EYA2: variants seen among roughly 807,000 people sequenced by gnomAD.
EYA2 encodes EYA transcriptional coactivator and phosphatase 2, also known as protein phosphatase EYA2.
In EYA2, 31 loss-of-function variants were observed where a neutral mutation model predicts 69.2. The observed-to-expected ratio is 0.45, with a 90% CI of 0.34 to 0.60. The LOEUF (loss-of-function observed/expected upper bound fraction) is 0.60, where lower values mean the gene tolerates loss of function less well. Among genes scored for constraint, EYA2 ranks in the 20% least tolerant of loss-of-function variants. The probability of loss-of-function intolerance (pLI) is 0.02; values close to 1 mark genes in which losing one functional copy is unlikely to be tolerated. For synonymous variants in EYA2, 257 were observed against 279.4 expected, an observed-to-expected ratio of 0.92 and a Z score of 0.80; for missense variants, 622 against 701.2, an observed-to-expected ratio of 0.89 and a Z score of 1.28.
intron 1 of EYA2, among the ~76,000 whole-genome samples, chr20:46,987,999 G>GATATATATATATATAT (rs1568707249): frequency 1.3e-4 from 5 of 37,104 alleles, no homozygotes; most frequent in African/African-American, 3.6e-4. Flanking sequence ...TATATATATG[G>GATATATATATATATAT]GGCAAAAAAA....
At chr20:47,177,110 G>GTATT (rs553967101) in intron 12 of EYA2, among the ~76,000 whole-genome samples, 54 of 151,262 alleles carry the variant, frequency 3.6e-4, no homozygotes, top group East Asian at 1.4e-3. Flanking sequence ...TTCTATCTTT[G>GTATT]TATTTATTTA....
intron 5 of EYA2, among the ~76,000 whole-genome samples, chr20:47,028,478 C>T (rs538303734): frequency 6.6e-6 from 1 of 152,342 alleles, no homozygotes; most frequent in South Asian, 2.1e-4. Context: ...CTACGTGTGG[C>T]ATCAGGAGCT....
intron 1 of EYA2, among the ~76,000 whole-genome samples, chr20:46,898,623 T>A (rs528958610): frequency 6.6e-6 from 1 of 152,338 alleles, no homozygotes; most frequent in African/African-American, 2.4e-5. Flanking sequence ...TTTTCACTGT[T>A]TGAAGATCGT....
At chr20:47,172,271 AAAAAAT>A (rs1196707575) in intron 11 of EYA2, among the ~76,000 whole-genome samples, 1 of 151,922 alleles carries the variant, frequency 6.6e-6, no homozygotes, top group Non-Finnish European at 1.5e-5. Context: ...CCATCTCTCC[AAAAAAT>A]AAAAATAAGT....
chr20:46,899,104 A>G (rs1983964816), intron 1 of EYA2, among the ~76,000 whole-genome samples: 1 of 152,228 alleles, frequency 6.6e-6, no homozygotes, highest in Non-Finnish European at 1.5e-5. Flanking sequence ...CTTTGTTAAC[A>G]AGGAAACTGA....
At chr20:47,053,809 C>T (rs1238143338) in intron 5 of EYA2, among the ~76,000 whole-genome samples, 1 of 151,554 alleles carries the variant, frequency 6.6e-6, no homozygotes, top group Non-Finnish European at 1.5e-5. Context: ...GATATTGCCC[C>T]CTTGAGAATA....
At chr20:47,030,436 C>T (rs1396779182) in intron 5 of EYA2, among the ~76,000 whole-genome samples, 1 of 152,236 alleles carries the variant, frequency 6.6e-6, no homozygotes, top group South Asian at 2.1e-4. Context: ...ACTCAGCAAA[C>T]ATTCACCAGC....
At chr20:46,974,924 G>A (rs1980368003) in intron 1 of EYA2, among the ~76,000 whole-genome samples, 1 of 152,090 alleles carries the variant, frequency 6.6e-6, no homozygotes, top group South Asian at 2.1e-4. Flanking sequence ...AGAGAATATT[G>A]GAACACGCAT....
intron 10 of EYA2, among the ~76,000 whole-genome samples, chr20:47,150,278 C>G (rs1368295003): frequency 6.6e-6 from 1 of 152,224 alleles, no homozygotes; most frequent in Non-Finnish European, 1.5e-5. Context: ...CATCATCTTT[C>G]TCTTGGACGT....
intron 1 of EYA2, among the ~76,000 whole-genome samples, chr20:46,923,349 A>G (rs1237999413): frequency 6.6e-6 from 1 of 152,226 alleles, no homozygotes; most frequent in African/African-American, 2.4e-5. Flanking sequence ...TGGGTGACAG[A>G]GTGAGACTCT....
intron 5 of EYA2, among the ~76,000 whole-genome samples, chr20:47,028,209 A>G (rs1371902961): frequency 6.6e-6 from 1 of 152,220 alleles, no homozygotes; most frequent in Non-Finnish European, 1.5e-5. Flanking sequence ...TTCACCAGGA[A>G]TCCAACCAGC....
intron 1 of EYA2, among the ~76,000 whole-genome samples, chr20:46,907,424 T>A (rs11698093): frequency 6.6e-6 from 1 of 152,040 alleles, no homozygotes. Flanking sequence ...CAGCAGCCTG[T>A]GGGAGGGTCT....
At chr20:47,110,248 T>A (rs1568784143) in intron 9 of EYA2, among the ~76,000 whole-genome samples, 1 of 152,172 alleles carries the variant, frequency 6.6e-6, no homozygotes, top group African/African-American at 2.4e-5. Context: ...ATTTATTTTT[T>A]ATTTTATTTT....
chr20:47,116,582 G>A (rs73309673), intron 9 of EYA2, among the ~76,000 whole-genome samples: 38,138 of 152,052 alleles, frequency 0.25, 5,325 homozygotes, highest in African/African-American at 0.38. Context: ...TGGGTGTGAC[G>A]ATGTCCCTCT....
At chr20:47,169,031 T>C (rs981174314) in intron 10 of EYA2, 108 bp from the exon 11 acceptor site, 1 of 948,072 alleles carries the variant, frequency 1.1e-6, no homozygotes, top group Admixed American at 1.7e-5. Context: ...TGACTCCCAG[T>C]GCAGTGCTCA....
chr20:47,016,351 G>A, intron 5 of EYA2, 54 bp downstream of exon 5: 1 of 1,375,428 alleles, frequency 7.3e-7, no homozygotes, highest in Non-Finnish European at 1.0e-6. Context: ...CACCTAAGTT[G>A]GGTGTCCATT....
At chr20:46,987,963 T>TCTCTCTCTCTCC (rs1198013659) in intron 1 of EYA2, among the ~76,000 whole-genome samples, 1 of 50,290 alleles carries the variant, frequency 2.0e-5, no homozygotes, top group Non-Finnish European at 3.5e-5. Context: ...TCTCTCTCTC[T>TCTCTCTCTCTCC]CTATATATAT....
chr20:47,072,244 G>A lies in EYA2; in HGVS notation c.475G>A (p.Val159Met), dbSNP rs767033621. Residue 159 changes from valine to methionine, a missense_variant, in exon 6 of 16, where the codon GTG (valine) becomes ATG (methionine). Val to Met is a conservative substitution (Grantham distance 21). Around this residue, in one of 2 missense-constraint regions of EYA2, gnomAD observed 365 missense variants for 349.7 expected, o/e 1.04. Transcript: ENST00000327619. Reference sequence around the variant, plus strand: ...GGGCAACGCAGCCGGTTTCGGGAGTGTGCACCAGGTAGACATGGCTCCCTC... The same window carrying A: ...GGGCAACGCAGCCGGTTTCGGGAGTATGCACCAGGTAGACATGGCTCCCTC... ...GLGNAAGFGSVHQDYPSYPGF... is the reference protein window; with the variant it reads ...GLGNAAGFGSMHQDYPSYPGF... 1 of 1,611,606 alleles carries A rather than the reference G, an allele frequency of 6.2e-7. No individual in the cohort carries two copies. Among genetic ancestry groups the A allele is most frequent in the Non-Finnish European group, 8.5e-7 (1 of 1,178,754 alleles).
chr20:47,109,907 G>A (rs1031316648), intron 9 of EYA2, among the ~76,000 whole-genome samples: 5 of 152,092 alleles, frequency 3.3e-5, no homozygotes, highest in African/African-American at 4.8e-5. Context: ...TGGGCCCTCC[G>A]GGTCCATAGT....
Sources: gnomAD v4.1 joint callset for allele counts (sites outside exome capture counted in the v4.1 genomes callset) on GRCh38, gnomAD v4.1.1 for gene constraint, gnomAD v4.1.1 regional missense constraint, MANE v1.5 for transcripts, NCBI Gene and HGNC (gene_info 2026-07-23, HGNC 2026-07-21) for gene names.